The following MACROD2 variants were observed in gnomAD, a reference collection of about 807,000 sequenced individuals.
MACROD2 encodes the protein ADP-ribose glycohydrolase MACROD2.
In MACROD2, 36 loss-of-function variants were observed where a neutral mutation model predicts 70.4. That is an observed-to-expected ratio of 0.51 (90% CI 0.39 to 0.68). MACROD2 has a LOEUF of 0.68. MACROD2 is among the 30% of genes least tolerant of loss of function. MACROD2 has a pLI of 0.00. For synonymous variants in MACROD2, 172 were observed against 178.8 expected (o/e 0.96, Z 0.30); for missense variants, 496 against 538.4 (o/e 0.92, Z 0.78).
chr20:15,848,555 C>A (rs1450519311), intron 8 of MACROD2, among the ~76,000 whole-genome samples: 1 of 152,074 alleles, frequency 6.6e-6, no homozygotes, highest in African/African-American at 2.4e-5. Context: ...ACTTAATAGC[C>A]CTCAGGAATA....
chr20:15,403,989 CT>C (rs2146312942), intron 6 of MACROD2, among the ~76,000 whole-genome samples: 1 of 152,266 alleles, frequency 6.6e-6, no homozygotes, highest in South Asian at 2.1e-4. Flanking sequence ...CATTAAAGAT[CT>C]ACTTCCAGGA....
chr20:14,026,716 G>C (rs1287886589), intron 2 of MACROD2, among the ~76,000 whole-genome samples: 1 of 152,246 alleles, frequency 6.6e-6, no homozygotes, highest in Non-Finnish European at 1.5e-5. Flanking sequence ...GAGATCTGCT[G>C]TTAGTCTGAT....
chr20:14,249,523 G>A (rs1214388320), intron 3 of MACROD2, among the ~76,000 whole-genome samples: 1 of 151,878 alleles, frequency 6.6e-6, no homozygotes, highest in Non-Finnish European at 1.5e-5. Flanking sequence ...GGTTGGAGAG[G>A]GACCACAGGG....
chr20:15,304,115 C>T (rs972392791), intron 6 of MACROD2, among the ~76,000 whole-genome samples: 11 of 152,018 alleles, frequency 7.2e-5, no homozygotes, highest in African/African-American at 1.2e-4. Flanking sequence ...CTGTGTTTCC[C>T]AATCTATTTC....
In MACROD2 at chr20:14,376,461, T is replaced by C. The variant is rs560788559; in HGVS notation, c.272-117018T>C. ...ATAATGTAGTGAAAAGAATGCACCC[T>C]GTGGGGATGGGTGTAGTGGCTTATG... On this transcript the variant is annotated intron_variant, in intron 3 of 17. Transcript: ENST00000684519. Among the ~76,000 whole-genome samples, 67 of 152,262 alleles carry C rather than the reference T, an allele frequency of 4.4e-4. 1 individual carries two copies. The highest frequency in any genetic ancestry group is 1.3e-3 in the African/African-American group (56 of 41,566).
chr20:14,925,763 T>G (rs961039994), intron 5 of MACROD2, among the ~76,000 whole-genome samples: 1 of 152,220 alleles, frequency 6.6e-6, no homozygotes, highest in Non-Finnish European at 1.5e-5. Context: ...TTATGTTTAT[T>G]GTACAACAGT....
At chr20:14,956,520 TATTACC>T (rs1018821239) in intron 5 of MACROD2, among the ~76,000 whole-genome samples, 6 of 152,168 alleles carry the variant, frequency 3.9e-5, no homozygotes, top group African/African-American at 1.2e-4. Flanking sequence ...GAAGCAGTCC[TATTACC>T]ATGCCACCCT....
chr20:14,093,469 A>T (rs2054180173), intron 3 of MACROD2, among the ~76,000 whole-genome samples: 1 of 152,158 alleles, frequency 6.6e-6, no homozygotes, highest in Non-Finnish European at 1.5e-5. Context: ...TCTATACGTG[A>T]TGTTCAGATT....
chr20:14,547,962 G>A (rs1978379501), intron 4 of MACROD2, among the ~76,000 whole-genome samples: 1 of 152,158 alleles, frequency 6.6e-6, no homozygotes, highest in Non-Finnish European at 1.5e-5. Context: ...GTCCTCCTGA[G>A]GGATAGAGTA....
At chr20:15,329,917 CTTGTAAAA>C (rs2077974296) in intron 6 of MACROD2, among the ~76,000 whole-genome samples, 1 of 152,058 alleles carries the variant, frequency 6.6e-6, no homozygotes, top group African/African-American at 2.4e-5. Context: ...TTTCCTCTCC[CTTGTAAAA>C]TCATAAGACC....
At chr20:14,541,597 A>G (rs2085433492) in intron 4 of MACROD2, among the ~76,000 whole-genome samples, 1 of 111,770 alleles carries the variant, frequency 8.9e-6, no homozygotes, top group Non-Finnish European at 1.9e-5. Flanking sequence ...CACAGCACAC[A>G]TCACACACAC....
intron 5 of MACROD2, among the ~76,000 whole-genome samples, chr20:14,899,187 C>G (rs553022332): frequency 1.5e-4 from 23 of 152,288 alleles, no homozygotes; most frequent in African/African-American, 5.1e-4. Context: ...CAGGCATTTG[C>G]CTTACGTCTC....
chr20:14,542,201 A>C (rs183704111), intron 4 of MACROD2, among the ~76,000 whole-genome samples: 4 of 151,906 alleles, frequency 2.6e-5, no homozygotes, highest in Admixed American at 1.3e-4. Context: ...CCCTCACCGC[A>C]CTCCTATGTA....
intron 4 of MACROD2, among the ~76,000 whole-genome samples, chr20:14,494,686 A>G (rs372900370): frequency 6.6e-6 from 1 of 152,200 alleles, no homozygotes; most frequent in Non-Finnish European, 1.5e-5. Context: ...ATATTTGCCA[A>G]GTAACTAAGT....
intron 3 of MACROD2, among the ~76,000 whole-genome samples, chr20:14,384,508 C>T (rs1224222112): frequency 6.6e-6 from 1 of 151,436 alleles, no homozygotes; most frequent in Non-Finnish European, 1.5e-5. Context: ...TAGATATTTA[C>T]TGGAGAGAAG....
chr20:14,702,243 T>C (rs1056053809), intron 5 of MACROD2, among the ~76,000 whole-genome samples: 1 of 152,046 alleles, frequency 6.6e-6, no homozygotes, highest in African/African-American at 2.4e-5. Flanking sequence ...ATTTTAAACA[T>C]ATTAACATTT....
chr20:14,772,354 C>T lies in MACROD2; in HGVS notation c.418+87395C>T, dbSNP rs185459284. On this transcript the variant is annotated intron_variant, in intron 5 of 17. Coordinates refer to ENST00000684519, the MANE Select transcript of MACROD2 (RefSeq NM_001351661.2). ...TTCACACAGCTGATAAAGACATACC[C>T]GAGACTGGGAAGTTTATATAAGAAA... Among the ~76,000 whole-genome samples, 48 of 151,986 alleles carry T rather than the reference C, an allele frequency of 3.2e-4. 1 individual carries two copies. The highest frequency in any genetic ancestry group is 2.9e-4 in the African/African-American group (12 of 41,398).
intron 8 of MACROD2, among the ~76,000 whole-genome samples, chr20:15,763,377 C>T (rs2051469391): frequency 6.6e-6 from 1 of 152,122 alleles, no homozygotes; most frequent in Non-Finnish European, 1.5e-5. Flanking sequence ...GGTATCATAT[C>T]ATTTTATGAT....
intron 5 of MACROD2, among the ~76,000 whole-genome samples, chr20:14,789,034 T>G (rs6042922): frequency 0.86 from 130,566 of 151,756 alleles, 56,673 homozygotes; most frequent in African/African-American, 0.92. Context: ...CTCCCAAAGT[T>G]CTGGGATTAC....
Sources: allele counts gnomAD v4.1 joint callset (sites outside exome capture counted in the v4.1 genomes callset), GRCh38; gene constraint gnomAD v4.1.1; transcripts MANE v1.5; gene names NCBI Gene and HGNC (gene_info 2026-07-23, HGNC 2026-07-21).